ANKRD17: variants seen among roughly 807,000 people sequenced by gnomAD.
The protein encoded by ANKRD17 is ankyrin repeat domain 17.
Under a neutral mutation model 229.7 loss-of-function variants are expected in ANKRD17, and 19 were observed. That is an observed-to-expected ratio of 0.08 (90% CI 0.06 to 0.12). ANKRD17 has a LOEUF of 0.12. Among genes scored for constraint, ANKRD17 ranks in the 10% least tolerant of loss-of-function variants. The pLI is 1.00. For missense variants in ANKRD17, 2,176 were observed against 3,176.8 expected (o/e 0.68, Z 7.57); for synonymous variants, 1,112 against 1,146.1 (o/e 0.97, Z 0.60).
chr4:73,142,893 T>C (rs1729788000), intron 11 of ANKRD17, 126 bp from the exon 12 acceptor site: 2 of 1,047,704 alleles, frequency 1.9e-6, no homozygotes, highest in Non-Finnish European at 1.3e-6. Flanking sequence ...ATTACCGAGC[T>C]TTAATGATTA....
chr4:73,169,752 G>C (rs184525004), intron 2 of ANKRD17, among the ~76,000 whole-genome samples: 168 of 152,326 alleles, frequency 1.1e-3, no homozygotes, highest in African/African-American at 3.9e-3. Context: ...GCAAAGAACT[G>C]TGCAACTGTA....
rs1720966147 is a variant in ANKRD17, at chr4:73,075,932, C to T, written c.*299G>A. On this transcript the variant is annotated 3_prime_UTR_variant, in exon 34 of 34. Coordinates refer to ENST00000358602, the MANE Select transcript of ANKRD17 (RefSeq NM_032217.5). ...GTTTGCTCAGAAGCAGTTTACAGTA[C>T]TAAAACCAACCAGCCAAAGAACAGC... 1 of 266,260 alleles carries T rather than the reference C, an allele frequency of 3.8e-6. No homozygotes were observed. Among genetic ancestry groups the T allele is most frequent in the African/African-American group, 2.2e-5 (1 of 45,066 alleles). The allele number at this position is 266,260 out of a possible 1,614,324, so 16.5% of individuals were successfully genotyped here. A position where few individuals can be genotyped will look rare whatever the true frequency, so the allele number is the denominator to read the frequency against.
intron 28 of ANKRD17, 43 bp from the exon 29 acceptor site, chr4:73,092,343 T>A: frequency 6.6e-7 from 1 of 1,506,874 alleles, no homozygotes; most frequent in Non-Finnish European, 9.0e-7. Flanking sequence ...TTTCCCTACT[T>A]TTGAGTATGT....
At chr4:73,196,427 T>C (rs190225195) in intron 1 of ANKRD17, among the ~76,000 whole-genome samples, 2 of 152,358 alleles carry the variant, frequency 1.3e-5, no homozygotes, top group Non-Finnish European at 2.9e-5. Flanking sequence ...TTGAAAACTT[T>C]CTTCTTTTCT....
At chr4:73,250,688 T>G (rs896194190) in intron 1 of ANKRD17, among the ~76,000 whole-genome samples, 5 of 148,706 alleles carry the variant, frequency 3.4e-5, no homozygotes, top group South Asian at 4.3e-4. Flanking sequence ...TGTAACGGTT[T>G]TTGTTGTTGT....
intron 3 of ANKRD17, among the ~76,000 whole-genome samples, chr4:73,160,966 G>C (rs1187216704): frequency 6.6e-6 from 1 of 152,162 alleles, no homozygotes; most frequent in East Asian, 1.9e-4. Flanking sequence ...TTATCTATTT[G>C]ATCTTGATTA....
At chr4:73,148,673 CA>C in intron 8 of ANKRD17, 139 bp downstream of exon 8, 1 of 763,532 alleles carries the variant, frequency 1.3e-6, no homozygotes, top group South Asian at 1.9e-5. Context: ...GCCATTTTCA[CA>C]GTAAATACTT....
At chr4:73,250,376 G>A (rs1744880262) in intron 1 of ANKRD17, among the ~76,000 whole-genome samples, 1 of 151,722 alleles carries the variant, frequency 6.6e-6, no homozygotes, top group South Asian at 2.1e-4. Flanking sequence ...CAAGGCGGGC[G>A]GATCACTTGG....
intron 1 of ANKRD17, among the ~76,000 whole-genome samples, chr4:73,242,478 T>G (rs913288012): frequency 1.3e-5 from 2 of 152,112 alleles, no homozygotes; most frequent in African/African-American, 4.8e-5. Flanking sequence ...TGAAAATACA[T>G]AAGTATGCCA....
intron 1 of ANKRD17, among the ~76,000 whole-genome samples, chr4:73,226,579 G>C (rs1161490735): frequency 3.3e-5 from 5 of 151,424 alleles, no homozygotes. Context: ...ATTTTTAGTA[G>C]AGACGGGGTT....
chr4:73,249,710 C>T (rs1280243721), intron 1 of ANKRD17, among the ~76,000 whole-genome samples: 6 of 152,092 alleles, frequency 3.9e-5, no homozygotes, highest in African/African-American at 1.4e-4. Flanking sequence ...AAAAATTAGC[C>T]GGGCGTGGTG....
At chr4:73,208,530 G>A (rs1181522020) in intron 1 of ANKRD17, among the ~76,000 whole-genome samples, 1 of 152,138 alleles carries the variant, frequency 6.6e-6, no homozygotes, top group Non-Finnish European at 1.5e-5. Flanking sequence ...TAATTTGAGT[G>A]ACTACTTTCT....
chr4:73,136,453 A>T (rs1442000355), intron 15 of ANKRD17, among the ~76,000 whole-genome samples: 1 of 152,196 alleles, frequency 6.6e-6, no homozygotes, highest in African/African-American at 2.4e-5. Flanking sequence ...TCCTTAGTTC[A>T]GGCACAAACA....
intron 30 of ANKRD17, among the ~76,000 whole-genome samples, chr4:73,084,156 C>T (rs917708303): frequency 1.3e-5 from 2 of 151,912 alleles, no homozygotes; most frequent in East Asian, 1.9e-4. Flanking sequence ...CCGAGGTGGG[C>T]AGATCATGAG....
chr4:73,220,804 C>A (rs1481499634), intron 1 of ANKRD17, among the ~76,000 whole-genome samples: 4 of 152,116 alleles, frequency 2.6e-5, no homozygotes, highest in African/African-American at 9.7e-5. Context: ...TAATGAACTT[C>A]AAGTAGCTCA....
intron 27 of ANKRD17, among the ~76,000 whole-genome samples, chr4:73,096,871 G>A (rs571712142): frequency 4.6e-5 from 7 of 152,200 alleles, no homozygotes; most frequent in African/African-American, 1.2e-4. Flanking sequence ...TTGAGATAAC[G>A]AAGCTGAGAA....
intron 1 of ANKRD17, among the ~76,000 whole-genome samples, chr4:73,252,349 C>T (rs1245255230): frequency 6.6e-6 from 1 of 152,234 alleles, no homozygotes. Flanking sequence ...TGTGATCAAT[C>T]TTGGACCCAC....
At chr4:73,243,837 T>C (rs912896096) in intron 1 of ANKRD17, among the ~76,000 whole-genome samples, 3 of 152,256 alleles carry the variant, frequency 2.0e-5, no homozygotes, top group Admixed American at 6.5e-5. Flanking sequence ...AACTTGTTGG[T>C]CAATTCCTCA....
chr4:73,212,183 A>G (rs114508909), intron 1 of ANKRD17, among the ~76,000 whole-genome samples: 302 of 152,318 alleles, frequency 2.0e-3, no homozygotes, highest in African/African-American at 7.0e-3. Context: ...GAATAACTCA[A>G]AATGAAAAAC....
Sources: allele counts gnomAD v4.1 joint callset (sites outside exome capture counted in the v4.1 genomes callset), GRCh38; gene constraint gnomAD v4.1.1; transcripts MANE v1.5; gene names NCBI Gene and HGNC (gene_info 2026-07-23, HGNC 2026-07-21).